The following WWOX variants were observed in gnomAD, a reference collection of about 807,000 sequenced individuals.
WWOX encodes WW domain-containing oxidoreductase.
In WWOX, 69 loss-of-function variants were observed where a neutral mutation model predicts 46.2. That is an observed-to-expected ratio of 1.49 (90% CI 1.23 to 1.82). The LOEUF (loss-of-function observed/expected upper bound fraction) is 1.82. WWOX is among the 40% of genes most tolerant of loss of function. The pLI is 0.00. For missense variants in WWOX, 919 were observed against 542.6 expected, an observed-to-expected ratio of 1.69 and a Z score of -6.89; for synonymous variants, 359 against 202.6, an observed-to-expected ratio of 1.77 and a Z score of -6.56.
At chr16:78,920,521 T>G (rs1244749884) in intron 8 of WWOX, among the ~76,000 whole-genome samples, 2 of 152,114 alleles carry the variant, frequency 1.3e-5, no homozygotes, top group African/African-American at 4.8e-5. Flanking sequence ...GCCCTCCTTG[T>G]CAGTCACGTA....
chr16:78,840,329 G>T (rs559658733), intron 8 of WWOX, among the ~76,000 whole-genome samples: 56 of 152,238 alleles, frequency 3.7e-4, no homozygotes, highest in African/African-American at 1.2e-3. Flanking sequence ...AGCGATTCTT[G>T]TGTGAATTCA....
chr16:78,893,607 G>A (rs1018927654), intron 8 of WWOX, among the ~76,000 whole-genome samples: 3 of 152,146 alleles, frequency 2.0e-5, no homozygotes, highest in African/African-American at 7.2e-5. Flanking sequence ...TTGCTTAAAT[G>A]TTGCAGCCAA....
At position 79,166,488 on chromosome 16, in the gene WWOX, C is replaced by A. The variant is rs115536071; in HGVS notation, c.1057-45120C>A. On this transcript the variant is annotated intron_variant, in intron 8 of 8. Transcript: ENST00000566780. ...TTTCATAGACCATCCTATTTTTCAA[C>A]GAGAGTTCAGAACCACACCATACGG... Among the ~76,000 whole-genome samples, 1,158 of 152,274 alleles carry A rather than the reference C, an allele frequency of 7.6e-3. 15 individuals are homozygous for A. Among genetic ancestry groups the A allele is most frequent in the African/African-American group, 0.027 (1,101 of 41,532 alleles).
chr16:79,082,001 G>C (rs1051198814), intron 8 of WWOX, among the ~76,000 whole-genome samples: 1 of 152,152 alleles, frequency 6.6e-6, no homozygotes, highest in African/African-American at 2.4e-5. Context: ...AAGACCACTC[G>C]TGAGAAATTC....
chr16:78,332,465 A>C (rs2080782218), intron 5 of WWOX, among the ~76,000 whole-genome samples: 1 of 152,160 alleles, frequency 6.6e-6, no homozygotes, highest in African/African-American at 2.4e-5. Context: ...CTGCACTAAC[A>C]AGGTAAAAGA....
At chr16:78,795,100 T>G (rs777887790) in intron 8 of WWOX, among the ~76,000 whole-genome samples, 30 of 152,146 alleles carry the variant, frequency 2.0e-4, no homozygotes, top group Admixed American at 3.3e-4. Flanking sequence ...GAGGGTGGTG[T>G]TGGTGGTGGA....
At position 78,998,840 on chromosome 16, in the gene WWOX, C is replaced by T. The variant is rs376262785; in HGVS notation, c.1057-212768C>T. ...TCTAAATTCTTTCATGTCAGGGTCTCTGAAATCTGAACACATCTCAAAGTT... is the reference window on the plus strand; with the variant it reads ...TCTAAATTCTTTCATGTCAGGGTCTTTGAAATCTGAACACATCTCAAAGTT... On this transcript the variant is annotated intron_variant, in intron 8 of 8. Coordinates refer to ENST00000566780, the MANE Select transcript of WWOX (RefSeq NM_016373.4). Among the ~76,000 whole-genome samples, 6 of 152,336 alleles carry T rather than the reference C, an allele frequency of 3.9e-5. No homozygotes were observed. The South Asian group carries it at 1.2e-3, about 32-fold the overall frequency.
intron 8 of WWOX, among the ~76,000 whole-genome samples, chr16:78,640,036 G>C (rs547964979): frequency 6.6e-6 from 1 of 152,156 alleles, no homozygotes; most frequent in African/African-American, 2.4e-5. Flanking sequence ...AGATAGGAAA[G>C]TGACACAGCA....
At chr16:79,088,882 T>C (rs575025873) in intron 8 of WWOX, among the ~76,000 whole-genome samples, 3 of 152,330 alleles carry the variant, frequency 2.0e-5, no homozygotes, top group African/African-American at 4.8e-5. Context: ...ACTGAACATA[T>C]TGATCACCTC....
At chr16:78,928,279 T>G (rs1413641284) in intron 8 of WWOX, among the ~76,000 whole-genome samples, 7 of 149,770 alleles carry the variant, frequency 4.7e-5, no homozygotes, top group African/African-American at 1.7e-4. Flanking sequence ...CTCGGCTCAC[T>G]GCAAGCTCCG....
At chr16:78,353,480 C>T (rs1386885825) in intron 5 of WWOX, among the ~76,000 whole-genome samples, 1 of 152,182 alleles carries the variant, frequency 6.6e-6, no homozygotes, top group Middle Eastern at 3.2e-3. Context: ...GTAAGATGTT[C>T]AATACGTAGC....
At chr16:79,035,554 T>C (rs2047849321) in intron 8 of WWOX, among the ~76,000 whole-genome samples, 1 of 152,154 alleles carries the variant, frequency 6.6e-6, no homozygotes, top group Non-Finnish European at 1.5e-5. Flanking sequence ...TTATTAATTT[T>C]TTGAGATGGA....
At chr16:78,110,485 T>C (rs900480425) in intron 3 of WWOX, among the ~76,000 whole-genome samples, 4 of 152,206 alleles carry the variant, frequency 2.6e-5, no homozygotes, top group African/African-American at 9.7e-5. Flanking sequence ...GAGTTATTAT[T>C]TTGTACAGAT....
chr16:78,913,568 C>G (rs1240653287), intron 8 of WWOX, among the ~76,000 whole-genome samples: 1 of 151,978 alleles, frequency 6.6e-6, no homozygotes, highest in Non-Finnish European at 1.5e-5. Flanking sequence ...ATCAGAAATA[C>G]AGAACTAGTT....
At chr16:79,108,387 TG>T in intron 8 of WWOX, among the ~76,000 whole-genome samples, 1 of 152,340 alleles carries the variant, frequency 6.6e-6, no homozygotes, top group South Asian at 2.1e-4. Flanking sequence ...TGCATTTTTC[TG>T]GTGTCTACCT....
intron 8 of WWOX, among the ~76,000 whole-genome samples, chr16:78,851,603 C>G (rs1463939319): frequency 1.3e-5 from 2 of 152,234 alleles, no homozygotes; most frequent in African/African-American, 2.4e-5. Flanking sequence ...CTGTCTCATT[C>G]ACCACTTTGT....
chr16:78,364,123 G>A (rs898603214), intron 5 of WWOX, among the ~76,000 whole-genome samples: 1 of 152,110 alleles, frequency 6.6e-6, no homozygotes, highest in Admixed American at 6.5e-5. Context: ...TGTGGATGTC[G>A]CTCTCTATCC....
chr16:79,206,276 G>T (rs146621581), intron 8 of WWOX: 3 of 152,278 alleles, frequency 2.0e-5, no homozygotes, highest in Admixed American at 6.5e-5. Flanking sequence ...GGAAGCCGGA[G>T]CCCCGTGGAA....
chr16:78,158,979 C>T (rs1166163842), intron 4 of WWOX, among the ~76,000 whole-genome samples: 3 of 152,106 alleles, frequency 2.0e-5, no homozygotes, highest in African/African-American at 7.2e-5. Flanking sequence ...TTTTTTGCCT[C>T]TATGAGTTTG....
Sources: allele counts gnomAD v4.1 joint callset (sites outside exome capture counted in the v4.1 genomes callset), GRCh38; gene constraint gnomAD v4.1.1; transcripts MANE v1.5; gene names NCBI Gene and HGNC (gene_info 2026-07-23, HGNC 2026-07-21).